DDX6: variants seen among roughly 807,000 people sequenced by gnomAD.
The protein encoded by DDX6 is probable ATP-dependent RNA helicase DDX6.
DDX6 carries 7 observed loss-of-function variants against 60.6 expected under a neutral mutation model. That is an observed-to-expected ratio of 0.12 (90% confidence interval 0.07 to 0.22). DDX6 has a LOEUF of 0.22. DDX6 is among the 10% of genes least tolerant of loss of function. The probability of loss-of-function intolerance (pLI) is 1.00; values close to 1 mark genes in which losing one functional copy is unlikely to be tolerated. For synonymous variants in DDX6, 207 were observed against 201.0 expected, an observed-to-expected ratio of 1.03 and a Z score of -0.25; for missense variants, 270 against 589.9, an observed-to-expected ratio of 0.46 and a Z score of 5.62.
intron 5 of DDX6, 27 bp from the exon 6 acceptor site, chr11:118,765,382 G>A: frequency 1.9e-6 from 3 of 1,612,150 alleles, no homozygotes; most frequent in Non-Finnish European, 2.5e-6. Context: ...GAATATATAA[G>A]AAAATATGGG....
intron 2 of DDX6, among the ~76,000 whole-genome samples, chr11:118,783,639 T>C (rs1271191671): frequency 4.0e-5 from 6 of 150,984 alleles, no homozygotes; most frequent in African/African-American, 1.5e-4. Flanking sequence ...TCATCTCTAC[T>C]AAAAATACAA....
At position 118,749,131 on chromosome 11, in the gene DDX6, G is replaced by A. The variant is rs1860660539; in HGVS notation, c.*2974C>T. 2 of 152,004 alleles carry A rather than the reference G, an allele frequency of 1.3e-5. No homozygotes were observed. Among genetic ancestry groups the A allele is most frequent in the Non-Finnish European group, 1.5e-5 (1 of 68,018 alleles). The allele number at this position is 152,004 out of a possible 1,614,324, so 9.4% of individuals were successfully genotyped here. On this transcript the variant is annotated 3_prime_UTR_variant, in exon 14 of 14. Transcript: ENST00000534980. ...GGGAAAGAAAAAACATAGGCCTAGA[G>A]GTGGTAAGGTGTGTAACAGTCCATA...
At chr11:118,777,897 GAAAA>G (rs374046858) in intron 4 of DDX6, among the ~76,000 whole-genome samples, 3 of 99,650 alleles carry the variant, frequency 3.0e-5, no homozygotes, top group South Asian at 3.8e-4. Flanking sequence ...TCAAAAAAGA[GAAAA>G]AAAAAAAAAA....
At chr11:118,755,881 G>A (rs114080490) in intron 11 of DDX6, among the ~76,000 whole-genome samples, 7,157 of 152,136 alleles carry the variant, frequency 0.047, 535 homozygotes, top group African/African-American at 0.16. Context: ...CGGGCTAAGC[G>A]GTAGCAGGCG....
intron 4 of DDX6, among the ~76,000 whole-genome samples, chr11:118,777,909 A>AAC (rs1353837558): frequency 2.0e-5 from 3 of 151,060 alleles, no homozygotes; most frequent in East Asian, 1.9e-4. Context: ...AAAAAAAAAA[A>AAC]AAAAACCAAG....
At chr11:118,777,885 TC>T (rs1565575398) in intron 4 of DDX6, among the ~76,000 whole-genome samples, 1 of 93,244 alleles carries the variant, frequency 1.1e-5, no homozygotes, top group East Asian at 3.4e-4. Flanking sequence ...CTAGACTCCA[TC>T]TCAAAAAAGA....
At chr11:118,774,465 T>C (rs956277296) in intron 4 of DDX6, among the ~76,000 whole-genome samples, 2 of 24,158 alleles carry the variant, frequency 8.3e-5, no homozygotes, top group African/African-American at 1.7e-4. Context: ...TCTAACAGTC[T>C]TTTTTTTTTT....
intron 5 of DDX6, among the ~76,000 whole-genome samples, 158 bp from the exon 6 acceptor site, chr11:118,765,513 G>A (rs1006141646): frequency 1.3e-5 from 2 of 152,140 alleles, no homozygotes; most frequent in African/African-American, 4.8e-5. Context: ...AGTGGCTCAC[G>A]CCTGTAATCC....
rs1862078321 is a variant in DDX6 at position 118,786,489 on chromosome 11, T to A, written c.-238A>T. The A allele has an allele frequency of 2.9e-6, 1 of 339,910 alleles. No homozygotes were observed. Among genetic ancestry groups the A allele is most frequent in the Admixed American group, 4.7e-5 (1 of 21,382 alleles). The allele number at this position is 339,910 out of a possible 1,614,324, so 21.1% of individuals were successfully genotyped here. A position where few individuals can be genotyped will look rare whatever the true frequency, so the allele number is the denominator to read the frequency against. On this transcript the variant is annotated 5_prime_UTR_variant, in exon 2 of 14. Transcript: ENST00000534980. ...TTTTTAAAAAGCCCTCTAACAAGCT[T>A]GAGTTATATCTGAATTCACTCACGT...
intron 5 of DDX6, 39 bp downstream of exon 5, chr11:118,768,184 C>A (rs1555161655): frequency 6.3e-7 from 1 of 1,593,576 alleles, no homozygotes; most frequent in Admixed American, 1.7e-5. Context: ...GGCTGAAACT[C>A]CCATTTTTAG....
At chr11:118,758,649 G>C in intron 9 of DDX6, 125 bp downstream of exon 9, 2 of 1,162,190 alleles carry the variant, frequency 1.7e-6, no homozygotes, top group East Asian at 5.5e-5. Context: ...GGAGGCATGA[G>C]CCACCGTGCC....
intron 4 of DDX6, among the ~76,000 whole-genome samples, chr11:118,773,150 C>G (rs1215753843): frequency 3.3e-5 from 5 of 152,156 alleles, no homozygotes; most frequent in Non-Finnish European, 5.9e-5. Flanking sequence ...TTCCAATCTC[C>G]TAGCATTGAG....
At chr11:118,776,922 T>C (rs533133409) in intron 4 of DDX6, among the ~76,000 whole-genome samples, 1 of 152,152 alleles carries the variant, frequency 6.6e-6, no homozygotes, top group South Asian at 2.1e-4. Context: ...TAGGTATTTC[T>C]AATACCTACA....
chr11:118,752,869 A>G (rs1860824774), intron 13 of DDX6, among the ~76,000 whole-genome samples: 1 of 152,162 alleles, frequency 6.6e-6, no homozygotes, highest in African/African-American at 2.4e-5. Flanking sequence ...TGGGAGGATC[A>G]TTTGAACCCA....
intron 4 of DDX6, among the ~76,000 whole-genome samples, chr11:118,770,394 C>T (rs1254072855): frequency 6.6e-6 from 1 of 152,164 alleles, no homozygotes; most frequent in Non-Finnish European, 1.5e-5. Flanking sequence ...TTTGTCCCTT[C>T]TATGCCTGGG....
At chr11:118,775,307 C>T (rs1029974604) in intron 4 of DDX6, among the ~76,000 whole-genome samples, 24 of 152,274 alleles carry the variant, frequency 1.6e-4, no homozygotes, top group African/African-American at 5.8e-4. Flanking sequence ...CAGAGCAAAA[C>T]CCTGTCTCAA....
chr11:118,752,476 AT>A (rs1456272061), intron 13 of DDX6, among the ~76,000 whole-genome samples: 2 of 152,210 alleles, frequency 1.3e-5, no homozygotes, highest in Admixed American at 6.5e-5. Context: ...TTTAAAAATT[AT>A]TTAAGTAACA....
intron 7 of DDX6, 42 bp downstream of exon 7, chr11:118,763,168 CAG>C: frequency 7.3e-7 from 1 of 1,374,050 alleles, no homozygotes; most frequent in Non-Finnish European, 9.9e-7. Flanking sequence ...AAGCAAAGCA[CAG>C]AAAAGTACAG....
At chr11:118,770,014 T>C (rs1475670474) in intron 4 of DDX6, among the ~76,000 whole-genome samples, 1 of 151,598 alleles carries the variant, frequency 6.6e-6, no homozygotes, top group Non-Finnish European at 1.5e-5. Flanking sequence ...GGCCATGATG[T>C]GGAATTTTAA....
Sources: allele counts gnomAD v4.1 joint callset (sites outside exome capture counted in the v4.1 genomes callset), GRCh38; gene constraint gnomAD v4.1.1; transcripts MANE v1.5; gene names NCBI Gene and HGNC (gene_info 2026-07-23, HGNC 2026-07-21).